NLGN2: variants seen among roughly 807,000 people sequenced by gnomAD.
The protein encoded by NLGN2 is neuroligin 2.
In NLGN2, 11 loss-of-function variants were observed where a neutral mutation model predicts 48.6. The observed-to-expected ratio is 0.23, with a 90% CI of 0.14 to 0.37. NLGN2 has a LOEUF of 0.37. NLGN2 is among the 10% of genes least tolerant of loss of function. The pLI is 1.00. For synonymous variants in NLGN2, 548 were observed against 550.0 expected, an observed-to-expected ratio of 1.00 and a Z score of 0.05; for missense variants, 801 against 1,225.2, an observed-to-expected ratio of 0.65 and a Z score of 5.17.
In NLGN2 at chr17:7,414,950, C is replaced by T. The variant is rs780114499; in HGVS notation, c.845-6C>T. Reference sequence around the variant, plus strand: ...AGCCTGGCCTGAGGTCTGCCTGTCCCGCCAGGGCTGTTCCAGAAGGCCATC... The same window carrying T: ...AGCCTGGCCTGAGGTCTGCCTGTCCTGCCAGGGCTGTTCCAGAAGGCCATC... On this transcript the variant is annotated splice_polypyrimidine_tract_variant and splice_region_variant and intron_variant, in intron 4 of 6. Coordinates refer to ENST00000302926, the MANE Select transcript of NLGN2 (RefSeq NM_020795.4). 23 of 1,612,666 alleles carry T rather than the reference C, an allele frequency of 1.4e-5. No homozygotes were observed. In the African/African-American group the frequency reaches 1.5e-4, roughly 10 times the overall value.
In NLGN2 at chr17:7,411,054, C is replaced by T. The variant is rs1447438228; in HGVS notation, c.458-1103C>T. 2.0e-5 allele frequency among the ~76,000 whole-genome samples: 3 copies of T among 152,212 alleles called. No homozygotes were observed. Among genetic ancestry groups the T allele is most frequent in the Non-Finnish European group, 4.4e-5 (3 of 68,032 alleles). Reference sequence around the variant, plus strand: ...GAAAAACCAATCAGCCTCGGGGAACCCCCAGGCCTCTGGGCTCCAGCTCGC... The same window carrying T: ...GAAAAACCAATCAGCCTCGGGGAACTCCCAGGCCTCTGGGCTCCAGCTCGC... On this transcript the variant is annotated intron_variant, in intron 1 of 6. Coordinates refer to ENST00000302926, the MANE Select transcript of NLGN2 (RefSeq NM_020795.4). The surrounding 1 kb of genome is among the most constrained non-coding windows in gnomAD (Gnocchi z 4.5).
Position 7,408,191 on chromosome 17 carries a change from C to A in NLGN2, c.-65C>A. The A allele has an allele frequency of 8.8e-6, 8 of 910,816 alleles. No individual in the cohort carries two copies. The highest frequency in any genetic ancestry group is 1.2e-5 in the Non-Finnish European group (8 of 671,874). 56.4% of individuals were successfully genotyped at this position (910,816 alleles called of 1,614,324 possible). On this transcript the variant is annotated 5_prime_UTR_variant, in exon 1 of 7. Transcript: ENST00000302926. This position sits in a 1 kb window ranked among gnomAD's most constrained non-coding sequence, Gnocchi z 7.5. ...GGCGAGGGGGGCCTCCCTCCCTCTC[C>A]CCCCCTTCTCTCTCTCTCCGAGGGG... is the stretch of plus-strand genomic sequence containing the variant.
Position 7,417,576 on chromosome 17 carries a change from G to A in NLGN2, c.2285G>A (p.Arg762His). 18 of 1,433,144 alleles carry A rather than the reference G, an allele frequency of 1.3e-5. No individual in the cohort carries two copies. The highest frequency in any genetic ancestry group is 1.5e-5 in the African/African-American group (1 of 67,276). 88.8% of individuals were successfully genotyped at this position (1,433,144 alleles called of 1,614,324 possible). ...GVGADPAEAL[R>H]PACPPDYTLA... The stretch of plus-strand genomic sequence containing the variant: ...GGGGCGGACCCTGCCGAGGCTCTGC[G>A]CCCTGCCTGCCCGCCCGACTACACC... The change falls in exon 7 of 7, where the codon CGC becomes CAC. Residue 762 changes from arginine (R) to histidine (H), a missense_variant. This residue lies in a region of NLGN2 where 276 missense variants were observed against 313.9 expected (regional missense o/e 0.88). Transcript: ENST00000302926.
intron 2 of NLGN2, among the ~76,000 whole-genome samples, chr17:7,412,647 A>G (rs1013790813): frequency 2.6e-5 from 4 of 152,214 alleles, no homozygotes; most frequent in Non-Finnish European, 5.9e-5. Context: ...GACACCATTG[A>G]AACATCAGAA....
In NLGN2 at chr17:7,414,732, G is replaced by A. The variant is rs746005733; in HGVS notation, c.728G>A (p.Arg243His). ...CTCCTGGACCAGATCCAGGCCCTGC[G>A]CTGGCTCAGTGAAAACATCGCCCAC... ...YGLLDQIQAL[R>H]WLSENIAHFG... The change falls in exon 4 of 7, where the codon CGC (arginine) becomes CAC (histidine). Residue 243 changes from arginine to histidine, a missense_variant. By Grantham distance (29) the Arg-to-His change is conservative. This residue lies in a region of NLGN2 where 303 missense variants were observed against 600.1 expected (regional missense o/e 0.50). Coordinates refer to ENST00000302926, the MANE Select transcript of NLGN2 (RefSeq NM_020795.4). The A allele has an allele frequency of 2.5e-6, 4 of 1,614,208 alleles. No homozygotes were observed. Among genetic ancestry groups the A allele is most frequent in the Admixed American group, 1.7e-5 (1 of 60,030 alleles).
rs1906961352 is a variant in NLGN2, at chr17:7,413,010, C to T, written c.508+803C>T. ...CTTTCTGACCCCTCCTCCCCTCACA[C>T]TGGGAGAGGGGTGGGGTGAGGATGG... On this transcript the variant is annotated intron_variant, in intron 2 of 6. Coordinates refer to ENST00000302926, the MANE Select transcript of NLGN2 (RefSeq NM_020795.4). This position sits in a 1 kb window ranked among gnomAD's most constrained non-coding sequence, Gnocchi z 4.9. Among the ~76,000 whole-genome samples the T allele has an allele frequency of 6.6e-6, 1 of 152,102 alleles. No individual in the cohort carries two copies. Among genetic ancestry groups the T allele is most frequent in the African/African-American group, 2.4e-5 (1 of 41,386 alleles).
In NLGN2 at chr17:7,411,571, C is replaced by A. The variant is rs1597709407; in HGVS notation, c.458-586C>A. Among the ~76,000 whole-genome samples the A allele has an allele frequency of 6.6e-6, 1 of 152,196 alleles. No homozygotes were observed. Among genetic ancestry groups the A allele is most frequent in the African/African-American group, 2.4e-5 (1 of 41,450 alleles). On this transcript the variant is annotated intron_variant, in intron 1 of 6. Coordinates refer to ENST00000302926, the MANE Select transcript of NLGN2 (RefSeq NM_020795.4). This position sits in a 1 kb window ranked among gnomAD's most constrained non-coding sequence, Gnocchi z 4.5. ...TGGGGCTGAGCTGTGGGGCAGGCTG[C>A]CCCCCAACCCTGTCCTGCTCGCTGC...
chr17:7,404,731 G>T (rs1906538598), upstream of NLGN2: 1 of 152,036 alleles, frequency 6.6e-6, no homozygotes, highest in Admixed American at 6.5e-5. Flanking sequence ...CCATCTGTCC[G>T]TCTGTCCGCT....
Position 7,411,165 on chromosome 17 carries a change from C to T in NLGN2, c.458-992C>T, listed in dbSNP as rs1489145513. Among the ~76,000 whole-genome samples the T allele has an allele frequency of 3.9e-5, 6 of 152,240 alleles. No individual in the cohort carries two copies. The highest frequency in any genetic ancestry group is 3.3e-4 in the Admixed American group (5 of 15,292). ...TACCTGCTGGCACCTGTGTGCCAGG[C>T]TGGCTCAGGGCACTGTGTTCCTCGT... On this transcript the variant is annotated intron_variant, in intron 1 of 6. Transcript: ENST00000302926. This position sits in a 1 kb window ranked among gnomAD's most constrained non-coding sequence, Gnocchi z 4.5.
chr17:7,406,041 G>A (rs1167608219), upstream of NLGN2, among the ~76,000 whole-genome samples: 1 of 152,162 alleles, frequency 6.6e-6, no homozygotes, highest in African/African-American at 2.4e-5. Context: ...AGAAAATGGG[G>A]GAGACAGTGA....
At chr17:7,410,957 G>A (rs978814959) in intron 1 of NLGN2, among the ~76,000 whole-genome samples, 2 of 152,198 alleles carry the variant, frequency 1.3e-5, no homozygotes, top group East Asian at 1.9e-4. Context: ...CTTAGGAGAC[G>A]CCTTCCAGAG....
In NLGN2 at chr17:7,419,621, TG is replaced by T. The variant is rs1169576613; in HGVS notation, c.*1823del. The T allele has an allele frequency of 6.6e-6, 1 of 152,422 alleles. No homozygotes were observed. The allele number at this position is 152,422 out of a possible 1,614,324, so 9.4% of individuals were successfully genotyped here. A position where few individuals can be genotyped will look rare whatever the true frequency, so the allele number is the denominator to read the frequency against. ...GGTCTAGCTCCTCTCCAAACAGCCATGCCCTCCAAATGCTAGAGACCTGGGC... is the reference window on the plus strand; with the variant it reads ...GGTCTAGCTCCTCTCCAAACAGCCATCCCTCCAAATGCTAGAGACCTGGGC... On this transcript the variant is annotated 3_prime_UTR_variant, in exon 7 of 7. Coordinates refer to ENST00000302926, the MANE Select transcript of NLGN2 (RefSeq NM_020795.4).
rs1364618768 is a variant in NLGN2 at position 7,411,530 on chromosome 17, G to A, written c.458-627G>A. On this transcript the variant is annotated intron_variant, in intron 1 of 6. Transcript: ENST00000302926. The surrounding 1 kb of genome is among the most constrained non-coding windows in gnomAD (Gnocchi z 4.5). Reference sequence around the variant, plus strand: ...CTGACCTTCCCATAGCCCTCCAGTGGGGAGCGGAAGGCTTCTGGGGCTGAG... The same window carrying A: ...CTGACCTTCCCATAGCCCTCCAGTGAGGAGCGGAAGGCTTCTGGGGCTGAG... 6.6e-6 allele frequency among the ~76,000 whole-genome samples: 1 copy of A among 152,226 alleles called. No homozygotes were observed. The highest frequency in any genetic ancestry group is 1.5e-5 in the Non-Finnish European group (1 of 68,030).
At chr17:7,412,289 A>G (rs377443059) in intron 2 of NLGN2, 82 bp downstream of exon 2, 1 of 1,002,164 alleles carries the variant, frequency 1.0e-6, no homozygotes, top group Non-Finnish European at 1.6e-6. Context: ...ATGTCCCCAC[A>G]GCCCTCAAGG....
At chr17:7,415,183 A>C (rs1907053777) in intron 5 of NLGN2, 35 bp downstream of exon 5, 1 of 1,545,168 alleles carries the variant, frequency 6.5e-7, no homozygotes, top group Non-Finnish European at 8.7e-7. Flanking sequence ...CCAGGCCTTC[A>C]AGGTTCCAAG....
chr17:7,412,427 A>G lies in NLGN2; in HGVS notation c.508+220A>G, dbSNP rs539488016. On this transcript the variant is annotated intron_variant, in intron 2 of 6. Transcript: ENST00000302926. ...TGTTGGACCCAGTAGAAAACCTGCC[A>G]GAAAAGCTAAACATGGTGAAAATAA... 3.0e-4 allele frequency among the ~76,000 whole-genome samples: 45 copies of G among 152,364 alleles called. No individual in the cohort carries two copies. The East Asian group carries it at 8.7e-3, about 29-fold the overall frequency.
chr17:7,415,145 C>T lies in NLGN2; in HGVS notation c.1034C>T (p.Ala345Val). ...CTGGTGGACCAGGACGTGCAGCCTG[C>T]CCGGTATGGGGTGGGAGAGGGCTGG... is the stretch of plus-strand genomic sequence containing the variant. ...RELVDQDVQP[A>V]RYHIAFGPVV... Residue 345 changes from alanine (A) to valine (V), a missense_variant, in exon 5 of 7, where the codon GCC becomes GTC. Ala to Val is a moderately conservative substitution (Grantham distance 64, BLOSUM62 0). This residue lies in a region of NLGN2 where 303 missense variants were observed against 600.1 expected (regional missense o/e 0.50). Coordinates refer to ENST00000302926, the MANE Select transcript of NLGN2 (RefSeq NM_020795.4). 2 of 1,594,034 alleles carry T rather than the reference C, an allele frequency of 1.3e-6. No homozygotes were observed. Among genetic ancestry groups the T allele is most frequent in the Non-Finnish European group, 1.7e-6 (2 of 1,170,086 alleles).
rs78194766 is a variant in NLGN2 at position 7,419,396 on chromosome 17, C to T, written c.*1597C>T. Reference sequence around the variant, plus strand: ...GGAAGGGCTTAAGGGACACAGTGGACGAGGGGAGAGTCCTCATCTGCTGGC... The same window carrying T: ...GGAAGGGCTTAAGGGACACAGTGGATGAGGGGAGAGTCCTCATCTGCTGGC... On this transcript the variant is annotated 3_prime_UTR_variant, in exon 7 of 7. Transcript: ENST00000302926. The T allele has an allele frequency of 0.016, 2,417 of 152,674 alleles. 35 individuals carry two copies. Among genetic ancestry groups the T allele is most frequent in the Middle Eastern group, 0.031 (9 of 294 alleles). 9.5% of individuals were successfully genotyped at this position (152,674 alleles called of 1,614,324 possible). A position where few individuals can be genotyped will look rare whatever the true frequency, so the allele number is the denominator to read the frequency against.
Position 7,411,439 on chromosome 17 carries a change from G to A in NLGN2, c.458-718G>A, listed in dbSNP as rs1328058107. ...ACTGGGGAGCTGGGGTGAGAAGCCAGGCCTGTGAGTGTGGATAGACGAGAA... is the reference window on the plus strand; with the variant it reads ...ACTGGGGAGCTGGGGTGAGAAGCCAAGCCTGTGAGTGTGGATAGACGAGAA... On this transcript the variant is annotated intron_variant, in intron 1 of 6. Coordinates refer to ENST00000302926, the MANE Select transcript of NLGN2 (RefSeq NM_020795.4). This position sits in a 1 kb window ranked among gnomAD's most constrained non-coding sequence, Gnocchi z 4.5. 1.3e-5 allele frequency among the ~76,000 whole-genome samples: 2 copies of A among 152,194 alleles called. No individual in the cohort carries two copies. The highest frequency in any genetic ancestry group is 6.5e-5 in the Admixed American group (1 of 15,282).
Sources: allele counts gnomAD v4.1 joint callset (sites outside exome capture counted in the v4.1 genomes callset), GRCh38; gene constraint gnomAD v4.1.1; regional missense constraint gnomAD v4.1.1; non-coding constraint Gnocchi (gnomAD v3.1); transcripts MANE v1.5; gene names NCBI Gene and HGNC (gene_info 2026-07-23, HGNC 2026-07-21).